PBRM1: variants seen among roughly 807,000 people sequenced by gnomAD.
The protein encoded by PBRM1 is polybromo 1.
Under a neutral mutation model 194.5 loss-of-function variants are expected in PBRM1, and 27 were observed. That is an observed-to-expected ratio of 0.14 (90% CI 0.10 to 0.19). The LOEUF is 0.19. Ranked by LOEUF, PBRM1 falls within the 10% of genes least tolerant of loss-of-function variation. The probability of loss-of-function intolerance (pLI) is 1.00; values close to 1 mark genes in which losing one functional copy is unlikely to be tolerated. For synonymous variants in PBRM1, 655 were observed against 693.2 expected (o/e 0.94, Z 0.87); for missense variants, 1,466 against 2,077.2 (o/e 0.71, Z 5.72).
At chr3:52,555,393 A>C (rs2082002779) in intron 26 of PBRM1, among the ~76,000 whole-genome samples, 1 of 152,226 alleles carries the variant, frequency 6.6e-6, no homozygotes, top group African/African-American at 2.4e-5. Context: ...GGAATTGTTC[A>C]AGACTTCTAC....
chr3:52,625,006 G>A, intron 13 of PBRM1, 65 bp from the exon 15 acceptor site: 1 of 1,064,982 alleles, frequency 9.4e-7, no homozygotes, highest in Non-Finnish European at 1.4e-6. Flanking sequence ...GGAGGGTCAT[G>A]TACAAACCAT....
intron 18 of PBRM1, among the ~76,000 whole-genome samples, chr3:52,588,671 C>G (rs1181445225): frequency 6.6e-6 from 1 of 151,414 alleles, no homozygotes; most frequent in African/African-American, 2.4e-5. Flanking sequence ...TCTCCTGCCT[C>G]AGCCTCCCGA....
intron 22 of PBRM1, among the ~76,000 whole-genome samples, chr3:52,569,026 G>A (rs950056678): frequency 4.6e-5 from 7 of 151,918 alleles, no homozygotes; most frequent in African/African-American, 1.7e-4. Flanking sequence ...CCGGGTAGCT[G>A]GGACTACAGA....
intron 27 of PBRM1, among the ~76,000 whole-genome samples, chr3:52,551,363 G>A (rs2080949306): frequency 6.6e-6 from 1 of 152,188 alleles, no homozygotes; most frequent in African/African-American, 2.4e-5. Context: ...CACTAGTGCT[G>A]GCAGGGAGAG....
At chr3:52,549,028 T>G (rs1322252624) in intron 29 of PBRM1, among the ~76,000 whole-genome samples, 8 of 152,072 alleles carry the variant, frequency 5.3e-5, no homozygotes, top group East Asian at 1.9e-4. Flanking sequence ...AAATAGTTTT[T>G]TTTTTTTTTT....
chr3:52,684,763 G>A (rs1448117320), intron 1 of PBRM1: 1 of 152,170 alleles, frequency 6.6e-6, no homozygotes, highest in East Asian at 1.9e-4. Context: ...ATTAACATTT[G>A]AGGTATTTTG....
At chr3:52,548,513 A>G (rs1220627803) in intron 29 of PBRM1, among the ~76,000 whole-genome samples, 1 of 150,744 alleles carries the variant, frequency 6.6e-6, no homozygotes, top group Admixed American at 6.6e-5. Flanking sequence ...TGCAACCTCT[A>G]CCTCCTGGGT....
At chr3:52,644,100 T>C (rs1431254923) in intron 8 of PBRM1, among the ~76,000 whole-genome samples, 1 of 151,724 alleles carries the variant, frequency 6.6e-6, no homozygotes, top group African/African-American at 2.4e-5. Flanking sequence ...TACCATACTA[T>C]TATCTATTCT....
intron 11 of PBRM1, among the ~76,000 whole-genome samples, chr3:52,630,097 C>A (rs1174493479): frequency 6.6e-6 from 1 of 152,072 alleles, no homozygotes; most frequent in Non-Finnish European, 1.5e-5. Context: ...GGGTAGAGGG[C>A]TAGATGTTCT....
upstream of PBRM1, among the ~76,000 whole-genome samples, chr3:52,684,369 A>G (rs2097272702): frequency 6.6e-6 from 1 of 152,084 alleles, no homozygotes; most frequent in Non-Finnish European, 1.5e-5. Flanking sequence ...AACTGGGAGA[A>G]TATCGACTTA....
exon 18 of PBRM1, chr3:52,589,233 G>T: frequency 6.5e-7 from 1 of 1,537,192 alleles, no homozygotes; most frequent in East Asian, 2.4e-5. Flanking sequence ...CAGCACCAGA[G>T]GAATCTTCAC....
At chr3:52,647,499 A>G (rs191394811) in intron 7 of PBRM1, among the ~76,000 whole-genome samples, 3 of 138,984 alleles carry the variant, frequency 2.2e-5, no homozygotes, top group African/African-American at 8.0e-5. Context: ...TGTAGTATTT[A>G]TATGTCCACA....
At chr3:52,588,187 C>T (rs977320095) in intron 18 of PBRM1, among the ~76,000 whole-genome samples, 6 of 152,108 alleles carry the variant, frequency 3.9e-5, no homozygotes, top group African/African-American at 1.4e-4. Flanking sequence ...ATATTTAGCT[C>T]TCTGGTGAAG....
chr3:52,571,866 A>C (rs1302290619), intron 22 of PBRM1, among the ~76,000 whole-genome samples: 6 of 130,018 alleles, frequency 4.6e-5, no homozygotes, highest in African/African-American at 2.1e-4. Context: ...CAAAAAAAAA[A>C]AAAAAAAAAA....
In PBRM1 at chr3:52,560,436, T is replaced by G. The variant is rs1031930267; in HGVS notation, c.4288+1331A>C. Reference sequence around the variant, plus strand: ...GAACTGACTAGGGTTTTCCAAAGAATATTCTGCAAAATGTTAGTTCTTTAG... The same window carrying G: ...GAACTGACTAGGGTTTTCCAAAGAAGATTCTGCAAAATGTTAGTTCTTTAG... On this transcript the variant is annotated intron_variant, in intron 25 of 29. Coordinates refer to ENST00000296302, the Ensembl canonical transcript of PBRM1. The G allele has an allele frequency of 3.9e-5, 6 of 152,236 alleles. 1 individual carries two copies. Among genetic ancestry groups the G allele is most frequent in the African/African-American group, 1.4e-4 (6 of 41,478 alleles). 9.4% of individuals were successfully genotyped at this position (152,236 alleles called of 1,614,324 possible).
rs1297699345 is a variant in PBRM1, at chr3:52,649,018, C to T, written c.715-576G>A. 6.6e-5 allele frequency among the ~76,000 whole-genome samples: 10 copies of T among 152,038 alleles called. 1 individual carries two copies. The highest frequency in any genetic ancestry group is 5.9e-4 in the Admixed American group (9 of 15,256). On this transcript the variant is annotated intron_variant, in intron 6 of 29. Transcript: ENST00000296302. ...CGGACACACTTTTAGGTAAGAGGCA[C>T]ACATGACTAATGGTAAGTACATGGA...
chr3:52,563,100 T>C (rs2084087789), intron 24 of PBRM1, among the ~76,000 whole-genome samples, 183 bp downstream of exon 26: 2 of 152,230 alleles, frequency 1.3e-5, no homozygotes, highest in Non-Finnish European at 2.9e-5. Context: ...TGGGATGACA[T>C]ATAATTTTTG....
At chr3:52,662,152 T>C (rs2153922550) in exon 4 of PBRM1, 1 of 1,614,126 alleles carries the variant, frequency 6.2e-7, no homozygotes, top group South Asian at 1.1e-5. Context: ...CACTGTGCCC[T>C]GATTGTCTTG....
At chr3:52,634,456 A>AAT in intron 11 of PBRM1, 146 bp downstream of exon 12, 1 of 538,620 alleles carries the variant, frequency 1.9e-6, no homozygotes. Context: ...AAAAAAAAAA[A>AAT]GGTAATGAAC....
Sources: allele counts gnomAD v4.1 joint callset (sites outside exome capture counted in the v4.1 genomes callset), GRCh38; gene constraint gnomAD v4.1.1; transcripts MANE v1.5; gene names NCBI Gene and HGNC (gene_info 2026-07-23, HGNC 2026-07-21).